Variants in POLR3B observed in about 807,000 individuals in gnomAD.
The protein encoded by POLR3B is DNA-directed RNA polymerase III subunit RPC2.
POLR3B carries 96 observed loss-of-function variants against 147.4 expected under a neutral mutation model. The ratio of observed to expected loss-of-function variants is 0.65; its 90% CI spans 0.55 to 0.77. POLR3B has a LOEUF of 0.77. Among genes scored for constraint, POLR3B ranks in the 30% least tolerant of loss-of-function variants. The pLI, the probability that POLR3B is intolerant of heterozygous loss-of-function variation, is 0.00. For synonymous variants in POLR3B, 461 were observed against 485.9 expected (o/e 0.95, Z 0.67); for missense variants, 1,036 against 1,413.5 (o/e 0.73, Z 4.28).
intron 25 of POLR3B, chr12:106,500,078 G>A (rs1280838588): frequency 2.2e-6 from 1 of 455,850 alleles, no homozygotes; most frequent in African/African-American, 2.0e-5. Flanking sequence ...TATCTGACCT[G>A]TCGGGCGCTC....
chr12:106,498,803 C>T (rs2038545326), intron 25 of POLR3B, among the ~76,000 whole-genome samples: 1 of 152,188 alleles, frequency 6.6e-6, no homozygotes, highest in African/African-American at 2.4e-5. Context: ...CCAGGCTGGT[C>T]TCGAACTCCT....
At chr12:106,360,478 C>T (rs1356238249) in intron 1 of POLR3B, among the ~76,000 whole-genome samples, 1 of 152,236 alleles carries the variant, frequency 6.6e-6, no homozygotes, top group East Asian at 1.9e-4. Flanking sequence ...CCTAGGAAGG[C>T]CTTTCCTGAT....
Position 106,457,275 on chromosome 12 carries a change from G to A in POLR3B, c.2431G>A (p.Ala811Thr), listed in dbSNP as rs1307045080. The A allele has an allele frequency of 6.2e-7, 1 of 1,613,584 alleles. No individual in the cohort carries two copies. The highest frequency in any genetic ancestry group is 1.3e-5 in the African/African-American group (1 of 74,900). The change falls in exon 21 of 28, where the codon GCA becomes ACA. Residue 811 changes from alanine (A) to threonine (T), a missense_variant. Transcript: ENST00000228347. ...TATCTGGCGACATGAAATCTTAGAT[G>A]CAGATGGTATTTGTTCTCCAGGTAA... is the stretch of plus-strand genomic sequence containing the variant. ...KPIWRHEILDADGICSPGEKV... is the reference protein window; with the variant it reads ...KPIWRHEILDTDGICSPGEKV...
rs1245870497 is a variant in POLR3B, at chr12:106,440,080, A to G, written c.1955+2301A>G. Among the ~76,000 whole-genome samples the G allele has an allele frequency of 2.0e-5, 3 of 152,150 alleles. No homozygotes were observed. In the East Asian group the frequency reaches 5.8e-4, roughly 29 times the overall value. On this transcript the variant is annotated intron_variant, in intron 18 of 27. Transcript: ENST00000228347. Reference sequence around the variant, plus strand: ...ACTCAAAAAAAATATAGATATAGATATGTATCCTGAGTATAAAAGAAAACT... The same window carrying G: ...ACTCAAAAAAAATATAGATATAGATGTGTATCCTGAGTATAAAAGAAAACT...
At chr12:106,466,222 A>G (rs929013875) in intron 23 of POLR3B, among the ~76,000 whole-genome samples, 1 of 152,088 alleles carries the variant, frequency 6.6e-6, no homozygotes, top group Non-Finnish European at 1.5e-5. Flanking sequence ...GCATTTTTTC[A>G]TATGTCTGTT....
Position 106,405,894 on chromosome 12 carries a change from G to C in POLR3B, c.884G>C (p.Arg295Thr). 1 of 1,613,120 alleles carries C rather than the reference G, an allele frequency of 6.2e-7. No homozygotes were observed. The highest frequency in any genetic ancestry group is 8.5e-7 in the Non-Finnish European group (1 of 1,179,144). The change falls in exon 11 of 28, where the codon AGG becomes ACG. Residue 295 changes from arginine to threonine, a missense_variant. By Grantham distance (71) the Arg-to-Thr change is moderately conservative. Transcript: ENST00000228347. ...KYIGNKVRRQRMWGGGPKKTK... is the reference protein window; with the variant it reads ...KYIGNKVRRQTMWGGGPKKTK... The stretch of plus-strand genomic sequence containing the variant: ...ATAGGGAACAAAGTAAGAAGGCAAA[G>C]GATGTGGGGAGGTGGACCAAAGAAA...
chr12:106,463,385 CTA>C (rs1242757938), intron 22 of POLR3B, 91 bp from the exon 23 acceptor site: 2 of 1,112,308 alleles, frequency 1.8e-6, no homozygotes. Flanking sequence ...TCAGAATACT[CTA>C]TGGTAGGCAT....
In POLR3B at chr12:106,504,442, A is replaced by T. The variant is rs2038653773; in HGVS notation, c.3272+188A>T. On this transcript the variant is annotated intron_variant, in intron 27 of 27. Coordinates refer to ENST00000228347, the MANE Select transcript of POLR3B (RefSeq NM_018082.6). The surrounding 1 kb of genome is among the most constrained non-coding windows in gnomAD (Gnocchi z 4.6). ...ACATGTCTCATTTGTCTACATCATGATCTACTTCCTACACAACTAGAGGCT... is the reference window on the plus strand; with the variant it reads ...ACATGTCTCATTTGTCTACATCATGTTCTACTTCCTACACAACTAGAGGCT... 6.6e-6 allele frequency among the ~76,000 whole-genome samples: 1 copy of T among 152,174 alleles called. No individual in the cohort carries two copies. The highest frequency in any genetic ancestry group is 1.5e-5 in the Non-Finnish European group (1 of 68,034).
chr12:106,438,704 C>G (rs1189200179), intron 18 of POLR3B, among the ~76,000 whole-genome samples: 4 of 152,122 alleles, frequency 2.6e-5, no homozygotes, highest in African/African-American at 9.7e-5. Context: ...GATTTTAATA[C>G]TTGATTACTG....
intron 7 of POLR3B, among the ~76,000 whole-genome samples, chr12:106,377,015 T>C (rs1012666286): frequency 1.3e-5 from 2 of 152,204 alleles, no homozygotes; most frequent in Non-Finnish European, 2.9e-5. Flanking sequence ...TTTCTTTCTA[T>C]CTTTGCCCAC....
chr12:106,357,805 G>C lies in POLR3B; in HGVS notation c.-75G>C, dbSNP rs1021952317. ...TAGGCCTCCGCGCACCGTTCGCCGGGAGTCTTGCAGTTTGCTTGGTGCAGG... is the reference window on the plus strand; with the variant it reads ...TAGGCCTCCGCGCACCGTTCGCCGGCAGTCTTGCAGTTTGCTTGGTGCAGG... On this transcript the variant is annotated 5_prime_UTR_variant, in exon 1 of 28. Coordinates refer to ENST00000228347, the MANE Select transcript of POLR3B (RefSeq NM_018082.6). 7.7e-6 allele frequency: 11 copies of C among 1,420,238 alleles called. No homozygotes were observed. Among genetic ancestry groups the C allele is most frequent in the African/African-American group, 2.8e-5 (2 of 71,470 alleles). The allele number at this position is 1,420,238 out of a possible 1,614,324, so 88.0% of individuals were successfully genotyped here. A position where few individuals can be genotyped will look rare whatever the true frequency, so the allele number is the denominator to read the frequency against.
intron 10 of POLR3B, among the ~76,000 whole-genome samples, chr12:106,395,199 C>T (rs1474470459): frequency 6.6e-6 from 1 of 152,018 alleles, no homozygotes; most frequent in Admixed American, 6.6e-5. Context: ...GCCACCCCAG[C>T]CTGTGTGACA....
At chr12:106,482,331 A>G (rs2038279120) in intron 23 of POLR3B, among the ~76,000 whole-genome samples, 1 of 152,190 alleles carries the variant, frequency 6.6e-6, no homozygotes, top group South Asian at 2.1e-4. Context: ...CCATTCTCAC[A>G]CTGCTATAAA....
chr12:106,508,940 A>T (rs148323948), intron 27 of POLR3B, among the ~76,000 whole-genome samples: 61 of 152,358 alleles, frequency 4.0e-4, no homozygotes, highest in African/African-American at 1.4e-3. Context: ...AGTGACAGAA[A>T]TCAAGTTATA....
chr12:106,451,630 A>AGGGGGG (rs1177832853), intron 19 of POLR3B, among the ~76,000 whole-genome samples: 1 of 53,928 alleles, frequency 1.9e-5, no homozygotes, highest in African/African-American at 1.1e-4. Context: ...ATTTAAAAAA[A>AGGGGGG]GGCGGGGGGG....
chr12:106,480,846 G>A (rs1397475580), intron 23 of POLR3B, among the ~76,000 whole-genome samples: 2 of 151,930 alleles, frequency 1.3e-5, no homozygotes, highest in Non-Finnish European at 2.9e-5. Flanking sequence ...AGTAAGTGCT[G>A]AGGGAATGAT....
Position 106,444,503 on chromosome 12 carries a change from G to A in POLR3B, c.1996G>A (p.Gly666Ser), listed in dbSNP as rs1261992440. The A allele has an allele frequency of 5.0e-6, 8 of 1,613,350 alleles. No individual in the cohort carries two copies. Among genetic ancestry groups the A allele is most frequent in the East Asian group, 2.2e-5 (1 of 44,834 alleles). ...HLEIEPFTLL[G>S]VCAGLIPYPH... The stretch of plus-strand genomic sequence containing the variant: ...GGAGATTGAACCCTTCACTCTTCTC[G>A]GCGTGTGTGCTGGACTTATCCCATA... Residue 666 changes from glycine (G) to serine (S), a missense_variant, in exon 19 of 28, where the codon GGC becomes AGC. Around this residue, in one of 12 missense-constraint regions of POLR3B, gnomAD observed 177 missense variants for 232.7 expected, o/e 0.76. Coordinates refer to ENST00000228347, the MANE Select transcript of POLR3B (RefSeq NM_018082.6).
chr12:106,434,599 G>A lies in POLR3B; in HGVS notation c.1781+727G>A, dbSNP rs139553325. On this transcript the variant is annotated intron_variant, in intron 16 of 27. Transcript: ENST00000228347. ...GGTACAGAGACGAATGTGACATGGT[G>A]TCTGGTTTGAGGGGCTATGCAGAGA... Among the ~76,000 whole-genome samples, 666 of 151,940 alleles carry A rather than the reference G, an allele frequency of 4.4e-3. 4 individuals are homozygous for A. The highest frequency in any genetic ancestry group is 0.015 in the African/African-American group (640 of 41,418).
rs552662128 is a variant in POLR3B at position 106,504,028 on chromosome 12, CTTTG to C, written c.3099-45_3099-42del. On this transcript the variant is annotated intron_variant, in intron 26 of 27. Coordinates refer to ENST00000228347, the MANE Select transcript of POLR3B (RefSeq NM_018082.6). The surrounding 1 kb of genome is among the most constrained non-coding windows in gnomAD (Gnocchi z 4.6). ...TCTCTGCCAGCATGTGATGCTACCTCTTTGTTTGTTTAACAGAATAATAACACAT... is the reference window on the plus strand; with the variant it reads ...TCTCTGCCAGCATGTGATGCTACCTCTTTGTTTAACAGAATAATAACACAT... 1.2e-4 allele frequency: 186 copies of C among 1,543,998 alleles called. 1 individual carries two copies. In the African/African-American group the frequency reaches 2.3e-3, roughly 19 times the overall value.
Sources: gnomAD v4.1 joint callset for allele counts (sites outside exome capture counted in the v4.1 genomes callset) on GRCh38, gnomAD v4.1.1 for gene constraint, gnomAD v4.1.1 regional missense constraint, Gnocchi (gnomAD v3.1) non-coding constraint, MANE v1.5 for transcripts, NCBI Gene and HGNC (gene_info 2026-07-23, HGNC 2026-07-21) for gene names.